The following ADAM28 variants were observed in gnomAD, a reference collection of about 807,000 sequenced individuals.
ADAM28 encodes disintegrin and metalloproteinase domain-containing protein 28.
ADAM28 carries 105 observed loss-of-function variants against 101.2 expected under a neutral mutation model. That is an observed-to-expected ratio of 1.04 (90% CI 0.89 to 1.22). The LOEUF is 1.22. Ranked by LOEUF, ADAM28 falls within the 50% of genes most tolerant of loss-of-function variation. The probability of loss-of-function intolerance (pLI) is 0.00; values close to 1 mark genes in which losing one functional copy is unlikely to be tolerated. For missense variants in ADAM28, 1,028 were observed against 945.4 expected (o/e 1.09, Z -1.15); for synonymous variants, 322 against 310.6 (o/e 1.04, Z -0.39).
intron 10 of ADAM28, 85 bp from the exon 11 acceptor site, chr8:24,329,884 TGTGAGAGAGAGAGAGA>T: frequency 2.0e-5 from 14 of 710,100 alleles, no homozygotes; most frequent in South Asian, 4.5e-5. Context: ...TGTGTGTGTG[TGTGAGAGAGAGAGAGA>T]GAGAGAGAGA....
At chr8:24,314,088 A>C (rs1235402211) in intron 6 of ADAM28, among the ~76,000 whole-genome samples, 1 of 152,210 alleles carries the variant, frequency 6.6e-6, no homozygotes, top group Non-Finnish European at 1.5e-5. Context: ...CAATGTACAA[A>C]GGTTAAAAAT....
rs534228082 is a variant in ADAM28 at position 24,305,014 on chromosome 8, C to A, written c.151-4880C>A. Among the ~76,000 whole-genome samples, 6 of 151,824 alleles carry A rather than the reference C, an allele frequency of 4.0e-5. No homozygotes were observed. The South Asian group carries it at 1.3e-3, about 32-fold the overall frequency. ...ATTTTCAGTTTTTGTGGCTTCATGT[C>A]CCAGTTAATAAACCTTTATTTTAAA... On this transcript the variant is annotated intron_variant, in intron 2 of 22. Coordinates refer to ENST00000265769, the MANE Select transcript of ADAM28 (RefSeq NM_014265.6).
At chr8:24,315,103 T>C (rs1351927903) in intron 6 of ADAM28, among the ~76,000 whole-genome samples, 1 of 151,656 alleles carries the variant, frequency 6.6e-6, no homozygotes, top group Non-Finnish European at 1.5e-5. Flanking sequence ...GGAATGTAAA[T>C]GGATTAAATT....
In ADAM28 at chr8:24,313,379, T is replaced by C; in HGVS notation, c.384-9T>C. ...TTGTTAAGAAGCCAGAACTCTCATG[T>C]TTTTTCAGGGGCTACTTCAGTCAGG... On this transcript the variant is annotated splice_polypyrimidine_tract_variant and intron_variant, in intron 5 of 22. Transcript: ENST00000265769. 6.3e-7 allele frequency: 1 copy of C among 1,599,334 alleles called. No homozygotes were observed. The highest frequency in any genetic ancestry group is 8.5e-7 in the Non-Finnish European group (1 of 1,173,640).
chr8:24,333,163 G>A (rs778134576), intron 13 of ADAM28, among the ~76,000 whole-genome samples: 20 of 152,192 alleles, frequency 1.3e-4, no homozygotes, highest in South Asian at 2.1e-4. Context: ...CCAAGGGCAA[G>A]GAGGCTCGGA....
At chr8:24,328,987 A>T (rs1812993790) in intron 10 of ADAM28, among the ~76,000 whole-genome samples, 1 of 151,958 alleles carries the variant, frequency 6.6e-6, no homozygotes, top group Non-Finnish European at 1.5e-5. Flanking sequence ...AATGGAGGTC[A>T]TTCGAGGGCA....
chr8:24,297,288 C>G, intron 1 of ADAM28, among the ~76,000 whole-genome samples: 1 of 151,948 alleles, frequency 6.6e-6, no homozygotes, highest in East Asian at 1.9e-4. Flanking sequence ...TATTTAAGAG[C>G]CAGTTTGCAA....
rs113169158 is a variant in ADAM28 at position 24,329,830 on chromosome 8, ACT to A, written c.973-144_973-143del. 7.4e-3 allele frequency among the ~76,000 whole-genome samples: 1,048 copies of A among 142,098 alleles called. 15 individuals are homozygous for A. The highest frequency in any genetic ancestry group is 0.027 in the Middle Eastern group (7 of 256). The allele number at this position is 142,098 out of a possible 152,430, so 93.2% of individuals were successfully genotyped here. On this transcript the variant is annotated intron_variant, in intron 10 of 22. Coordinates refer to ENST00000265769, the MANE Select transcript of ADAM28 (RefSeq NM_014265.6). ...TGATGGGCATTCAGTTCCATTTAGT[ACT>A]CTCTCTCTCTTGCTCTGTGTGTGTG...
chr8:24,337,589 A>G (rs1395756238), intron 14 of ADAM28, among the ~76,000 whole-genome samples: 1 of 152,192 alleles, frequency 6.6e-6, no homozygotes, highest in African/African-American at 2.4e-5. Flanking sequence ...CATTGAACAT[A>G]TTTATCTGAT....
chr8:24,300,104 C>A, intron 2 of ADAM28, 27 bp downstream of exon 2: 1 of 1,574,136 alleles, frequency 6.4e-7, no homozygotes, highest in Non-Finnish European at 8.7e-7. Flanking sequence ...ATCAAAGGAT[C>A]TTGATTTGAG....
intron 10 of ADAM28, 141 bp downstream of exon 10, chr8:24,326,776 A>C (rs542344742): frequency 1.4e-6 from 1 of 717,116 alleles, no homozygotes; most frequent in East Asian, 2.8e-5. Context: ...CAAATGTTGA[A>C]CTAATTTTGC....
chr8:24,335,361 A>G, intron 13 of ADAM28, 85 bp from the exon 14 acceptor site: 2 of 1,452,434 alleles, frequency 1.4e-6, no homozygotes, highest in Non-Finnish European at 1.8e-6. Context: ...AAAAAGTCCA[A>G]ATGGAAAATA....
chr8:24,321,428 A>C, intron 8 of ADAM28, 139 bp downstream of exon 8: 1 of 745,620 alleles, frequency 1.3e-6, no homozygotes, highest in Non-Finnish European at 2.5e-6. Flanking sequence ...CCAAAGGATG[A>C]CCACAACTTT....
chr8:24,306,356 A>G (rs1385476589), intron 2 of ADAM28, among the ~76,000 whole-genome samples: 1 of 116,656 alleles, frequency 8.6e-6, no homozygotes, highest in East Asian at 2.9e-4. Flanking sequence ...ATACAAATAA[A>G]TAAATAAATA....
intron 6 of ADAM28, among the ~76,000 whole-genome samples, chr8:24,314,831 A>G (rs189481350): frequency 6.3e-4 from 95 of 151,766 alleles, no homozygotes; most frequent in Non-Finnish European, 4.4e-5. Context: ...ATAAAAGTCT[A>G]GAGTTTTTAT....
chr8:24,335,676 G>A (rs751667566), intron 14 of ADAM28, 35 bp downstream of exon 14: 9 of 1,520,546 alleles, frequency 5.9e-6, no homozygotes, highest in South Asian at 3.9e-5. Flanking sequence ...GTGCATGTGC[G>A]AAGGAAAATC....
chr8:24,332,458 C>T (rs375962977), intron 12 of ADAM28, among the ~76,000 whole-genome samples: 56 of 152,070 alleles, frequency 3.7e-4, no homozygotes, highest in East Asian at 3.7e-3. Flanking sequence ...AGAAAAATGA[C>T]GTAAGTGGAA....
chr8:24,353,572 A>T (rs1816421744), intron 21 of ADAM28, among the ~76,000 whole-genome samples, 198 bp from the exon 22 acceptor site: 1 of 152,168 alleles, frequency 6.6e-6, no homozygotes, highest in East Asian at 1.9e-4. Flanking sequence ...GAGAAAGTCA[A>T]CGGGCTTGGA....
At chr8:24,298,367 G>A (rs947227335) in intron 1 of ADAM28, among the ~76,000 whole-genome samples, 2 of 152,062 alleles carry the variant, frequency 1.3e-5, no homozygotes, top group African/African-American at 2.4e-5. Context: ...AAAGTTAAAT[G>A]TAAGTGACTC....
Sources: gnomAD v4.1 joint callset for allele counts (sites outside exome capture counted in the v4.1 genomes callset) on GRCh38, gnomAD v4.1.1 for gene constraint, MANE v1.5 for transcripts, NCBI Gene and HGNC (gene_info 2026-07-23, HGNC 2026-07-21) for gene names.